SYCP2L: variants seen among roughly 807,000 people sequenced by gnomAD.
The protein encoded by SYCP2L is synaptonemal complex protein 2-like.
In SYCP2L, 98 loss-of-function variants were observed where a neutral mutation model predicts 125.8. The observed-to-expected ratio is 0.78, with a 90% confidence interval of 0.66 to 0.92. SYCP2L has a LOEUF of 0.92. Ranked by LOEUF, SYCP2L falls within the 40% of genes least tolerant of loss-of-function variation. SYCP2L has a pLI of 0.00. For synonymous variants in SYCP2L, 317 were observed against 325.4 expected, an observed-to-expected ratio of 0.97 and a Z score of 0.28; for missense variants, 842 against 936.4, an observed-to-expected ratio of 0.90 and a Z score of 1.32.
chr6:10,910,341 G>A (rs1780585134), intron 11 of SYCP2L, 141 bp downstream of exon 11: 1 of 764,272 alleles, frequency 1.3e-6, no homozygotes, highest in African/African-American at 1.8e-5. Context: ...TGTCCATTGA[G>A]TGGAAACCTG....
intron 6 of SYCP2L, among the ~76,000 whole-genome samples, chr6:10,901,897 C>G (rs567297744): frequency 2.0e-5 from 3 of 152,386 alleles, no homozygotes; most frequent in South Asian, 4.1e-4. Context: ...TTCTGCCTTT[C>G]TCAGAGTCTA....
chr6:10,911,483 A>G (rs1469463976), intron 12 of SYCP2L, among the ~76,000 whole-genome samples: 1 of 152,088 alleles, frequency 6.6e-6, no homozygotes, highest in Non-Finnish European at 1.5e-5. Flanking sequence ...CTCATTCATG[A>G]TTTCTTTGTT....
At chr6:10,941,994 G>A (rs1307517424) in intron 21 of SYCP2L, among the ~76,000 whole-genome samples, 1 of 152,022 alleles carries the variant, frequency 6.6e-6, no homozygotes, top group African/African-American at 2.4e-5. Flanking sequence ...ATGATTTCAT[G>A]TCCTTTGTAG....
In SYCP2L at chr6:10,954,349, A is replaced by G. The variant is rs1025667187; in HGVS notation, c.1955-767A>G. Among the ~76,000 whole-genome samples the G allele has an allele frequency of 2.0e-5, 3 of 152,132 alleles. No individual in the cohort carries two copies. The highest frequency in any genetic ancestry group is 1.9e-4 in the East Asian group (1 of 5,182). On this transcript the variant is annotated intron_variant, in intron 23 of 29. Coordinates refer to ENST00000283141, the MANE Select transcript of SYCP2L (RefSeq NM_001040274.3). The surrounding 1 kb of genome is among the most constrained non-coding windows in gnomAD (Gnocchi z 4.8). ...GCAAGAGAGAGATTTGGAAGTGACA[A>G]TTGAAGGTGAAGGATTGACGATTTC...
chr6:10,927,972 T>G (rs546307798), intron 17 of SYCP2L, among the ~76,000 whole-genome samples: 2 of 152,326 alleles, frequency 1.3e-5, no homozygotes, highest in East Asian at 3.9e-4. Flanking sequence ...AAGAGAAATA[T>G]GGCTCTGTTC....
At chr6:10,900,212 G>GT (rs531055423) in intron 6 of SYCP2L, among the ~76,000 whole-genome samples, 189 of 152,300 alleles carry the variant, frequency 1.2e-3, no homozygotes, top group African/African-American at 4.4e-3. Flanking sequence ...AGAGATTAGG[G>GT]TACCAGCATG....
At chr6:10,926,492 A>G (rs1780899670) in intron 16 of SYCP2L, 60 bp downstream of exon 16, 3 of 1,340,500 alleles carry the variant, frequency 2.2e-6, no homozygotes, top group Middle Eastern at 1.8e-4. Flanking sequence ...ATGAAACCTT[A>G]GTTGGAAGAG....
At chr6:10,916,044 C>T (rs1174901372) in intron 14 of SYCP2L, among the ~76,000 whole-genome samples, 2 of 152,140 alleles carry the variant, frequency 1.3e-5, no homozygotes, top group Admixed American at 6.5e-5. Flanking sequence ...CTGATTTAAG[C>T]TAGGAGGGTT....
intron 14 of SYCP2L, among the ~76,000 whole-genome samples, chr6:10,923,821 C>T (rs1007819259): frequency 6.6e-6 from 1 of 151,498 alleles, no homozygotes; most frequent in Non-Finnish European, 1.5e-5. Flanking sequence ...ATAGCTGGGA[C>T]TAGAAGCACC....
intron 23 of SYCP2L, among the ~76,000 whole-genome samples, chr6:10,950,729 G>A (rs954869956): frequency 1.3e-5 from 2 of 152,058 alleles, no homozygotes; most frequent in African/African-American, 2.4e-5. Flanking sequence ...GTGCAATTTC[G>A]GGTCACTGCA....
chr6:10,944,977 G>A, intron 23 of SYCP2L, among the ~76,000 whole-genome samples: 1 of 152,140 alleles, frequency 6.6e-6, no homozygotes, highest in East Asian at 1.9e-4. Flanking sequence ...GCCTCCCAAA[G>A]TGCTGGGATT....
intron 29 of SYCP2L, among the ~76,000 whole-genome samples, chr6:10,965,731 C>G (rs1781665845): frequency 6.6e-6 from 1 of 152,194 alleles, no homozygotes; most frequent in Non-Finnish European, 1.5e-5. Context: ...GAAGATTAAA[C>G]ATTTCCTAAT....
chr6:10,933,921 TCTTAG>T (rs975194367), intron 20 of SYCP2L, among the ~76,000 whole-genome samples: 9 of 152,230 alleles, frequency 5.9e-5, no homozygotes, highest in African/African-American at 1.2e-4. Context: ...TATTTTATTT[TCTTAG>T]CTTAGTAAGC....
chr6:10,898,620 A>G (rs1450845314), intron 5 of SYCP2L, among the ~76,000 whole-genome samples: 1 of 152,264 alleles, frequency 6.6e-6, no homozygotes, highest in African/African-American at 2.4e-5. Context: ...TTATTATCAT[A>G]CAAATATATT....
chr6:10,893,692 G>A (rs1780211268), intron 2 of SYCP2L, among the ~76,000 whole-genome samples, 175 bp from the exon 3 acceptor site: 1 of 152,158 alleles, frequency 6.6e-6, no homozygotes, highest in African/African-American at 2.4e-5. Flanking sequence ...TAAACCAACG[G>A]AAACATCAAT....
intron 14 of SYCP2L, among the ~76,000 whole-genome samples, chr6:10,921,920 A>C (rs1780806219): frequency 6.6e-6 from 1 of 151,904 alleles, no homozygotes; most frequent in South Asian, 2.1e-4. Context: ...GTTAGCCAGG[A>C]TGGTCTCGGT....
At chr6:10,956,634 CTTTT>C in intron 25 of SYCP2L, among the ~76,000 whole-genome samples, 1 of 152,082 alleles carries the variant, frequency 6.6e-6, no homozygotes, top group South Asian at 2.1e-4. Flanking sequence ...ATTAAAAAAT[CTTTT>C]TTTAAGTAGA....
At chr6:10,917,160 A>G (rs1235167391) in intron 14 of SYCP2L, among the ~76,000 whole-genome samples, 2 of 152,118 alleles carry the variant, frequency 1.3e-5, no homozygotes, top group Non-Finnish European at 2.9e-5. Flanking sequence ...TGTTAAGTTC[A>G]TTTGTTCCAG....
chr6:10,941,594 A>G (rs901633109), intron 21 of SYCP2L, among the ~76,000 whole-genome samples: 12 of 152,384 alleles, frequency 7.9e-5, no homozygotes, highest in Admixed American at 5.9e-4. Context: ...CAAAACCGCA[A>G]TGAGATACCA....
Sources: gnomAD v4.1 joint callset for allele counts (sites outside exome capture counted in the v4.1 genomes callset) on GRCh38, gnomAD v4.1.1 for gene constraint, Gnocchi (gnomAD v3.1) non-coding constraint, MANE v1.5 for transcripts, NCBI Gene and HGNC (gene_info 2026-07-23, HGNC 2026-07-21) for gene names.